ANKMY2: variants seen among roughly 807,000 people sequenced by gnomAD.
ANKMY2 encodes the protein ankyrin repeat and MYND domain-containing protein 2.
ANKMY2 carries 36 observed loss-of-function variants against 50.4 expected under a neutral mutation model. The observed-to-expected ratio is 0.71, with a 90% CI of 0.55 to 0.94. The LOEUF (loss-of-function observed/expected upper bound fraction) is 0.94, where lower values mean the gene tolerates loss of function less well. ANKMY2 is among the 40% of genes least tolerant of loss of function. ANKMY2 has a pLI of 0.00. For missense variants in ANKMY2, 565 were observed against 524.0 expected (o/e 1.08, Z -0.76); for synonymous variants, 187 against 178.8 (o/e 1.05, Z -0.36).
chr7:16,610,640 C>T lies in ANKMY2; in HGVS notation c.655G>A (p.Ala219Thr). 2 of 1,613,960 alleles carry T rather than the reference C, an allele frequency of 1.2e-6. No individual in the cohort carries two copies. Among genetic ancestry groups the T allele is most frequent in the Non-Finnish European group, 1.7e-6 (2 of 1,179,924 alleles). Reference protein sequence around the residue: ...MKQRDMNEVLAMKMHYISCIF... With the variant: ...MKQRDMNEVLTMKMHYISCIF... ...CAGCTTATGTAATGCATCTTCATAG[C>T]CAATACTTCATTCATGTCTCTTTGC... Residue 219 changes from alanine (A) to threonine (T), a missense_variant, in exon 6 of 10, where the codon GCT becomes ACT. Physicochemically the swap from Ala to Thr is moderately conservative, Grantham distance 58. Coordinates refer to ENST00000306999, the MANE Select transcript of ANKMY2 (RefSeq NM_020319.3).
At chr7:16,601,981 G>C (rs1781074455) in intron 9 of ANKMY2, among the ~76,000 whole-genome samples, 1 of 152,054 alleles carries the variant, frequency 6.6e-6, no homozygotes, top group Non-Finnish European at 1.5e-5. Flanking sequence ...ATTTAATTAA[G>C]GAATTTAAAG....
intron 2 of ANKMY2, among the ~76,000 whole-genome samples, chr7:16,631,926 C>A (rs1228572703): frequency 1.3e-5 from 2 of 152,030 alleles, no homozygotes; most frequent in African/African-American, 2.4e-5. Flanking sequence ...AGTTTTTCTA[C>A]TTCTATATGA....
intron 1 of ANKMY2, among the ~76,000 whole-genome samples, chr7:16,639,585 A>G (rs1191968987): frequency 6.6e-6 from 1 of 152,162 alleles, no homozygotes; most frequent in East Asian, 1.9e-4. Context: ...TTTTCCCAGC[A>G]TGGACAACAT....
At chr7:16,637,303 C>T (rs1781676873) in intron 1 of ANKMY2, among the ~76,000 whole-genome samples, 1 of 152,208 alleles carries the variant, frequency 6.6e-6, no homozygotes, top group African/African-American at 2.4e-5. Flanking sequence ...TATTTCCTCT[C>T]TTTAAATTTA....
intron 2 of ANKMY2, among the ~76,000 whole-genome samples, chr7:16,635,890 A>G (rs1781652429): frequency 1.3e-5 from 2 of 152,190 alleles, no homozygotes; most frequent in African/African-American, 2.4e-5. Flanking sequence ...CACTTATTTG[A>G]TTACTAATAA....
chr7:16,624,935 A>C, intron 4 of ANKMY2, 48 bp downstream of exon 4: 1 of 1,530,756 alleles, frequency 6.5e-7, no homozygotes, highest in Non-Finnish European at 8.9e-7. Context: ...TTTTTCCACA[A>C]GGGAAATTTT....
intron 1 of ANKMY2, among the ~76,000 whole-genome samples, chr7:16,641,081 A>G (rs1781738382): frequency 6.6e-6 from 1 of 152,180 alleles, no homozygotes; most frequent in African/African-American, 2.4e-5. Context: ...TAAAAAGACA[A>G]AAATTAGCCG....
In ANKMY2 at chr7:16,625,021, G is replaced by T. The variant is rs937248636; in HGVS notation, c.332C>A (p.Ser111Tyr). The T allele has an allele frequency of 5.0e-6, 8 of 1,613,906 alleles. No homozygotes were observed. In the African/African-American group the frequency reaches 1.1e-4, roughly 22 times the overall value. ...EAGAETDVVN[S>Y]VGRTAAQMAA... is the part of the protein sequence containing the mutation. ...CATCTGAGCTGCTGTTCTTCCCACA[G>T]AGTTGACAACATCTGTCTCAGCACC... The change falls in exon 4 of 10, where the codon TCT becomes TAT. Residue 111 changes from serine (S) to tyrosine (Y), a missense_variant. Coordinates refer to ENST00000306999, the MANE Select transcript of ANKMY2 (RefSeq NM_020319.3).
At position 16,615,869 on chromosome 7, in the gene ANKMY2, A is replaced by G; in HGVS notation, c.406T>C (p.Phe136Leu). 1 of 1,613,870 alleles carries G rather than the reference A, an allele frequency of 6.2e-7. No individual in the cohort carries two copies. Among genetic ancestry groups the G allele is most frequent in the Non-Finnish European group, 8.5e-7 (1 of 1,179,904 alleles). Residue 136 changes from phenylalanine to leucine, a missense_variant, in exon 5 of 10, where the codon TTT (phenylalanine) becomes CTT (leucine). By Grantham distance (22) the Phe-to-Leu change is conservative. Transcript: ENST00000306999. ...HDCVTIINNF[F>L]PRERLDYYTK... ...TAATAATCCAGTCTCTCTCGAGGAA[A>G]GAAATTGTTGATTATGGTCACACAA...
intron 5 of ANKMY2, among the ~76,000 whole-genome samples, chr7:16,614,550 G>C (rs1781310320): frequency 6.6e-6 from 1 of 152,188 alleles, no homozygotes. Context: ...CAACCTTCAA[G>C]TACTCAAGAA....
At chr7:16,644,019 AGACAGC>A (rs1449898866) in intron 1 of ANKMY2, among the ~76,000 whole-genome samples, 11 of 152,188 alleles carry the variant, frequency 7.2e-5, no homozygotes, top group Non-Finnish European at 1.6e-4. Context: ...AGAGAGAAAG[AGACAGC>A]GAGAGCGAGA....
chr7:16,635,625 C>T (rs1376023628), intron 2 of ANKMY2, among the ~76,000 whole-genome samples: 2 of 152,146 alleles, frequency 1.3e-5, no homozygotes, highest in Non-Finnish European at 2.9e-5. Context: ...TGGCCAATGG[C>T]TACTGTAATG....
chr7:16,634,887 G>T (rs947526635), intron 2 of ANKMY2, among the ~76,000 whole-genome samples: 1 of 151,794 alleles, frequency 6.6e-6, no homozygotes, highest in Admixed American at 6.6e-5. Context: ...AAAAGCTCAG[G>T]AGTATTTATC....
At chr7:16,613,731 T>C (rs572239941) in intron 5 of ANKMY2, among the ~76,000 whole-genome samples, 2 of 151,954 alleles carry the variant, frequency 1.3e-5, no homozygotes, top group East Asian at 3.9e-4. Flanking sequence ...CATAAAAAAT[T>C]ATTCCATAAG....
chr7:16,627,185 TAGAA>T lies in ANKMY2; in HGVS notation c.133-11_133-8del. 2 of 1,562,234 alleles carry T rather than the reference TAGAA, an allele frequency of 1.3e-6. No homozygotes were observed. The highest frequency in any genetic ancestry group is 1.7e-6 in the Non-Finnish European group (2 of 1,149,288). On this transcript the variant is annotated splice_region_variant and splice_polypyrimidine_tract_variant and intron_variant, in intron 2 of 9. Coordinates refer to ENST00000306999, the MANE Select transcript of ANKMY2 (RefSeq NM_020319.3). ...TTAGAGGAGTCATTCCATTCTTTAA[TAGAA>T]AGAGGAAAAAAGTATTAATTTTACT...
chr7:16,630,111 T>A (rs906948518), intron 2 of ANKMY2, among the ~76,000 whole-genome samples: 1 of 152,168 alleles, frequency 6.6e-6, no homozygotes, highest in Non-Finnish European at 1.5e-5. Flanking sequence ...GTTGTAAAGA[T>A]GAAATAACTT....
chr7:16,619,380 C>G (rs1045426678), intron 4 of ANKMY2, among the ~76,000 whole-genome samples: 2 of 152,074 alleles, frequency 1.3e-5, no homozygotes, highest in African/African-American at 2.4e-5. Context: ...TCTCGAACTC[C>G]CAACCTCAGG....
chr7:16,641,601 C>T (rs574196347), intron 1 of ANKMY2, among the ~76,000 whole-genome samples: 4 of 152,080 alleles, frequency 2.6e-5, no homozygotes, highest in Non-Finnish European at 4.4e-5. Context: ...GACACAGGAC[C>T]TTAGAACAGG....
chr7:16,639,002 G>A (rs1781710830), intron 1 of ANKMY2, among the ~76,000 whole-genome samples: 1 of 152,218 alleles, frequency 6.6e-6, no homozygotes, highest in African/African-American at 2.4e-5. Flanking sequence ...AAATGCAGGG[G>A]CTGGAATGAG....
Sources: gnomAD v4.1 joint callset for allele counts (sites outside exome capture counted in the v4.1 genomes callset) on GRCh38, gnomAD v4.1.1 for gene constraint, MANE v1.5 for transcripts, NCBI Gene and HGNC (gene_info 2026-07-23, HGNC 2026-07-21) for gene names.